Variants in AMOT observed in about 807,000 individuals in gnomAD.
AMOT encodes angiomotin.
A neutral mutation model predicts 67.0 loss-of-function variants in AMOT; 11 were observed. The ratio of observed to expected loss-of-function variants is 0.16; its 90% CI spans 0.10 to 0.27. The LOEUF is 0.27. Ranked by LOEUF, AMOT falls within the 10% of genes least tolerant of loss-of-function variation. The probability of loss-of-function intolerance (pLI) is 1.00; values close to 1 mark genes in which losing one functional copy is unlikely to be tolerated. For missense variants in AMOT, 753 were observed against 852.0 expected (o/e 0.88, Z 1.45); for synonymous variants, 326 against 321.4 (o/e 1.01, Z -0.15).
At chrX:112,805,957 A>T (rs779217796) in intron 7 of AMOT, among the ~76,000 whole-genome samples, 2 of 111,591 alleles carry the variant, frequency 1.8e-5, no homozygotes, top group South Asian at 7.6e-4. Flanking sequence ...TTGAAAGTTC[A>T]GTTTTTTTTA....
chrX:112,831,448 TAAATAAATA>T (rs1278144092), intron 2 of AMOT, among the ~76,000 whole-genome samples: 5 of 76,195 alleles, frequency 6.6e-5, no homozygotes, highest in African/African-American at 5.2e-4. Context: ...AGGGTGGCAA[TAAATAAATA>T]AATAAATAAA....
intron 1 of AMOT, among the ~76,000 whole-genome samples, chrX:112,839,691 G>A (rs1384113476): frequency 9.0e-6 from 1 of 111,101 alleles, no homozygotes; most frequent in African/African-American, 3.3e-5. Context: ...ACCAGGAACT[G>A]CTCACAGTCT....
At chrX:112,804,398 A>C (rs148220071) in intron 8 of AMOT, among the ~76,000 whole-genome samples, 2,483 of 111,368 alleles carry the variant, frequency 0.022, 77 homozygotes, top group African/African-American at 0.076. Context: ...CCAACAGTAA[A>C]AGATATGGCC....
Position 112,822,999 on chromosome X carries a change from C to G in AMOT, c.128G>C (p.Gly43Ala), listed in dbSNP as rs1349938781. ...SLLAIHQQATGNGPPFPSGSG... is the reference protein window; with the variant it reads ...SLLAIHQQATANGPPFPSGSG... ...GCCACTGGGGAAAGGAGGGCCATTCCCTGTGGCTTGCTGGTGTATGGCAAG... is the reference window on the plus strand; with the variant it reads ...GCCACTGGGGAAAGGAGGGCCATTCGCTGTGGCTTGCTGGTGTATGGCAAG... Residue 43 changes from glycine (G) to alanine (A), a missense_variant, in exon 4 of 14, where the codon GGG (glycine) becomes GCG (alanine). Physicochemically the swap from Gly to Ala is moderately conservative, Grantham distance 60 (BLOSUM62 0). Around this residue, in one of 5 missense-constraint regions of AMOT, gnomAD observed 118 missense variants for 125.9 expected, o/e 0.94. Transcript: ENST00000371959. 8.6e-7 allele frequency: 1 copy of G among 1,167,645 alleles called. No individual in the cohort carries two copies. Among genetic ancestry groups the G allele is most frequent in the South Asian group, 1.9e-5 (1 of 52,685 alleles).
intron 1 of AMOT, among the ~76,000 whole-genome samples, chrX:112,834,263 T>A (rs747440798): frequency 8.9e-6 from 1 of 111,806 alleles, no homozygotes; most frequent in South Asian, 3.8e-4. Flanking sequence ...TCTCGGATAA[T>A]GAGAAGCATG....
chrX:112,836,929 G>A (rs1281584951), intron 1 of AMOT, among the ~76,000 whole-genome samples: 1 of 109,852 alleles, frequency 9.1e-6, no homozygotes, highest in African/African-American at 3.3e-5. Flanking sequence ...AGTAAACCGA[G>A]TTACAGTTGG....
chrX:112,806,336 G>A (rs1934182739), intron 7 of AMOT, among the ~76,000 whole-genome samples: 1 of 96,888 alleles, frequency 1.0e-5, no homozygotes, highest in Non-Finnish European at 2.0e-5. Flanking sequence ...TTATACATAT[G>A]TATATATACA....
chrX:112,836,809 C>G (rs1248373485), intron 1 of AMOT, among the ~76,000 whole-genome samples: 2 of 106,779 alleles, frequency 1.9e-5, no homozygotes, highest in Admixed American at 2.1e-4. Context: ...CACATTCATA[C>G]TAGATATTGA....
intron 10 of AMOT, 147 bp from the exon 11 acceptor site, chrX:112,782,809 G>C: frequency 1.4e-6 from 1 of 728,054 alleles, no homozygotes; most frequent in Non-Finnish European, 2.0e-6. Context: ...GAACTAACCC[G>C]TAAGAGCCTC....
chrX:112,831,492 A>AAAT (rs1934986782), intron 2 of AMOT, among the ~76,000 whole-genome samples: 1 of 98,006 alleles, frequency 1.0e-5, no homozygotes, highest in South Asian at 4.5e-4. Context: ...AATAAATAAA[A>AAAT]AGAGAGCCCA....
rs1453613552 is a variant in AMOT, at chrX:112,834,806, T to C, written c.-288-2436A>G. 3.5e-5 allele frequency among the ~76,000 whole-genome samples: 4 copies of C among 112,991 alleles called. No individual in the cohort carries two copies. The East Asian group carries it at 1.1e-3, about 31-fold the overall frequency. ...ATCTTTTGGAGGAGCTTTGAATAAC[T>C]CACTGATCTCTATAGCCCTTTTCAA... On this transcript the variant is annotated intron_variant, in intron 1 of 13. Coordinates refer to ENST00000371959, the MANE Select transcript of AMOT (RefSeq NM_001113490.2).
chrX:112,809,793 G>T (rs1934298427), intron 7 of AMOT, 101 bp downstream of exon 7: 2 of 675,099 alleles, frequency 3.0e-6, no homozygotes, highest in South Asian at 2.6e-5. Flanking sequence ...TATTGACTCT[G>T]CCCTGGCTGT....
At chrX:112,786,583 T>G (rs973772136) in intron 10 of AMOT, among the ~76,000 whole-genome samples, 1 of 112,190 alleles carries the variant, frequency 8.9e-6, no homozygotes, top group African/African-American at 3.2e-5. Context: ...CAGGCCATAT[T>G]ATTGTGATTA....
At position 112,824,735 on chromosome X, in the gene AMOT, T is replaced by C. The variant is rs754339592; in HGVS notation, c.-63+337A>G. 2.7e-5 allele frequency among the ~76,000 whole-genome samples: 3 copies of C among 111,318 alleles called. No individual in the cohort carries two copies. In the South Asian group the frequency reaches 1.2e-3, roughly 43 times the overall value. ...CCTCCCAATGTGCCTCCAGGACTCC[T>C]GTACTTGAACTGTCAAATTGGGATA... On this transcript the variant is annotated intron_variant, in intron 3 of 13. Coordinates refer to ENST00000371959, the MANE Select transcript of AMOT (RefSeq NM_001113490.2).
At chrX:112,807,197 A>AC (rs1287114186) in intron 7 of AMOT, among the ~76,000 whole-genome samples, 1 of 110,134 alleles carries the variant, frequency 9.1e-6, no homozygotes, top group East Asian at 2.8e-4. Context: ...ATCCTGCACC[A>AC]CCTAAAGGGG....
Position 112,831,203 on chromosome X carries a change from G to A in AMOT, c.-212+1091C>T, listed in dbSNP as rs1041755538. ...CAGAGATGCCCCTGGTTTAACAACA[G>A]TGGACACAACAGGCATTCCTTCCGT... On this transcript the variant is annotated intron_variant, in intron 2 of 13. Transcript: ENST00000371959. Among the ~76,000 whole-genome samples the A allele has an allele frequency of 2.7e-5, 3 of 110,193 alleles. No individual in the cohort carries two copies. The South Asian group carries it at 1.2e-3, about 43-fold the overall frequency.
At chrX:112,814,673 C>T (rs1439738017) in intron 5 of AMOT, among the ~76,000 whole-genome samples, 3 of 112,010 alleles carry the variant, frequency 2.7e-5, no homozygotes, top group East Asian at 2.8e-4. Context: ...ACTGGAGATA[C>T]ACTCCTTTTT....
At chrX:112,785,280 C>CT (rs955438005) in intron 10 of AMOT, among the ~76,000 whole-genome samples, 5 of 111,788 alleles carry the variant, frequency 4.5e-5, no homozygotes, top group Admixed American at 9.5e-5. Context: ...CTTTCTCCTT[C>CT]TTTTTTTTGA....
chrX:112,778,890 A>G, intron 13 of AMOT, 107 bp downstream of exon 13: 1 of 896,476 alleles, frequency 1.1e-6, no homozygotes, highest in Non-Finnish European at 1.6e-6. Flanking sequence ...AGAACGTGAA[A>G]AACTCAGTCC....
Sources: gnomAD v4.1 joint callset for allele counts (sites outside exome capture counted in the v4.1 genomes callset) on GRCh38, gnomAD v4.1.1 for gene constraint, gnomAD v4.1.1 regional missense constraint, MANE v1.5 for transcripts, NCBI Gene and HGNC (gene_info 2026-07-23, HGNC 2026-07-21) for gene names.